PHACTR3: variants seen among roughly 807,000 people sequenced by gnomAD.
The protein encoded by PHACTR3 is phosphatase and actin regulator 3.
PHACTR3 carries 16 observed loss-of-function variants against 66.8 expected under a neutral mutation model. The ratio of observed to expected loss-of-function variants is 0.24; its 90% CI spans 0.16 to 0.36. The LOEUF (loss-of-function observed/expected upper bound fraction) is 0.36, where lower values mean the gene tolerates loss of function less well. Ranked by LOEUF, PHACTR3 falls within the 10% of genes least tolerant of loss-of-function variation. The probability of loss-of-function intolerance (pLI) is 1.00; values close to 1 mark genes in which losing one functional copy is unlikely to be tolerated. For missense variants in PHACTR3, 647 were observed against 719.9 expected, an observed-to-expected ratio of 0.90 and a Z score of 1.16; for synonymous variants, 323 against 292.1, an observed-to-expected ratio of 1.11 and a Z score of -1.08.
At chr20:59,813,992 C>T (rs781614283) in intron 8 of PHACTR3, among the ~76,000 whole-genome samples, 2 of 152,264 alleles carry the variant, frequency 1.3e-5, no homozygotes, top group African/African-American at 4.8e-5. Context: ...CTGTTCGCCT[C>T]TTCAGGGTGT....
chr20:59,595,331 G>A (rs1465905806), intron 1 of PHACTR3, among the ~76,000 whole-genome samples: 1 of 152,096 alleles, frequency 6.6e-6, no homozygotes, highest in African/African-American at 2.4e-5. Flanking sequence ...GCATGGTGGT[G>A]CACGCCTGTA....
At position 59,650,740 on chromosome 20, in the gene PHACTR3, C is replaced by CAA. The variant is rs34879994; in HGVS notation, c.118+45628_118+45629dup. Among the ~76,000 whole-genome samples the CAA allele has an allele frequency of 6.8e-3, 417 of 61,290 alleles. 4 individuals are homozygous for CAA. Among genetic ancestry groups the CAA allele is most frequent in the South Asian group, 0.011 (19 of 1,668 alleles). 40.2% of individuals were successfully genotyped at this position (61,290 alleles called of 152,430 possible). Reference sequence around the variant, plus strand: ...GGAATGTTTTCCAATGCGTTGATAGCAAAAAAAAAAAAAAAAAAAAAGTCT... The same window carrying CAA: ...GGAATGTTTTCCAATGCGTTGATAGCAAAAAAAAAAAAAAAAAAAAAAAGTCT... On this transcript the variant is annotated intron_variant, in intron 1 of 12. Transcript: ENST00000371015.
intron 1 of PHACTR3, among the ~76,000 whole-genome samples, chr20:59,714,920 A>T (rs1416999496): frequency 6.6e-6 from 1 of 152,158 alleles, no homozygotes; most frequent in African/African-American, 2.4e-5. Flanking sequence ...GGAGTATTTT[A>T]TGCTGCTTTA....
intron 3 of PHACTR3, 101 bp from the exon 4 acceptor site, chr20:59,755,081 C>T: frequency 8.0e-7 from 1 of 1,256,650 alleles, no homozygotes; most frequent in Non-Finnish European, 1.1e-6. Flanking sequence ...GGGGGACCAC[C>T]CAGAGCCTAG....
intron 1 of PHACTR3, among the ~76,000 whole-genome samples, chr20:59,638,131 C>T (rs529462079): frequency 1.3e-5 from 2 of 152,344 alleles, no homozygotes; most frequent in South Asian, 4.1e-4. Context: ...CTCCTTCCAC[C>T]AACCAGGTGG....
At chr20:59,817,610 T>A (rs1465760480) in intron 8 of PHACTR3, among the ~76,000 whole-genome samples, 2 of 152,254 alleles carry the variant, frequency 1.3e-5, no homozygotes, top group Non-Finnish European at 2.9e-5. Flanking sequence ...GCTCCATAAG[T>A]GACCTGGGCC....
intron 1 of PHACTR3, among the ~76,000 whole-genome samples, chr20:59,702,073 G>A (rs759488677): frequency 6.6e-6 from 1 of 152,142 alleles, no homozygotes; most frequent in African/African-American, 2.4e-5. Context: ...ATAGTCCATT[G>A]TCGGGATGTA....
At chr20:59,785,076 G>C (rs2040860199) in intron 7 of PHACTR3, among the ~76,000 whole-genome samples, 1 of 152,196 alleles carries the variant, frequency 6.6e-6, no homozygotes, top group Admixed American at 6.5e-5. Flanking sequence ...AGGCAGGAGG[G>C]GATGGGGTCT....
At chr20:59,799,620 A>G (rs764633473) in intron 7 of PHACTR3, among the ~76,000 whole-genome samples, 7 of 152,242 alleles carry the variant, frequency 4.6e-5, no homozygotes, top group Admixed American at 2.6e-4. Context: ...TTAGTGTCAG[A>G]ATGGTACATC....
Position 59,774,445 on chromosome 20 carries a change from C to G in PHACTR3, c.1129C>G (p.Leu377Val). 2 of 1,613,916 alleles carry G rather than the reference C, an allele frequency of 1.2e-6. No individual in the cohort carries two copies. Among genetic ancestry groups the G allele is most frequent in the Non-Finnish European group, 1.7e-6 (2 of 1,179,846 alleles). The change falls in exon 7 of 13, where the codon CTT (leucine) becomes GTT (valine). Residue 377 changes from leucine to valine, a missense_variant. Around this residue, in one of 2 missense-constraint regions of PHACTR3, gnomAD observed 577 missense variants for 571.1 expected, o/e 1.01. Transcript: ENST00000371015. ...AAATTCTGAACTCAAAGACGACTTG[C>G]TTTTGTATCAGGACGAGGAGGCGCT... ...IINSELKDDLLLYQDEEALND... is the reference protein window; with the variant it reads ...IINSELKDDLVLYQDEEALND...
intron 1 of PHACTR3, among the ~76,000 whole-genome samples, chr20:59,727,076 A>G (rs955897991): frequency 6.6e-6 from 1 of 152,046 alleles, no homozygotes; most frequent in Non-Finnish European, 1.5e-5. Context: ...ATTGTGTGAT[A>G]CTCCTCATTC....
At chr20:59,578,679 A>G (rs1437798531) in intron 1 of PHACTR3, among the ~76,000 whole-genome samples, 7 of 152,138 alleles carry the variant, frequency 4.6e-5, no homozygotes, top group Non-Finnish European at 1.0e-4. Context: ...CTTCCCCACG[A>G]GGCGGTCATG....
intron 3 of PHACTR3, among the ~76,000 whole-genome samples, chr20:59,752,097 A>G (rs2039614369): frequency 6.6e-6 from 1 of 152,216 alleles, no homozygotes; most frequent in South Asian, 2.1e-4. Flanking sequence ...CTTGAGATTG[A>G]CTAGGCATTC....
chr20:59,604,987 C>A lies in PHACTR3; in HGVS notation c.-28C>A. On this transcript the variant is annotated 5_prime_UTR_variant, in exon 1 of 13. Coordinates refer to ENST00000371015, the MANE Select transcript of PHACTR3 (RefSeq NM_080672.5). Reference sequence around the variant, plus strand: ...ATGCTCTGATTCCACGCGGCTCGCTCTAACTTGCCCCCGCGCCGGCCGGGC... The same window carrying A: ...ATGCTCTGATTCCACGCGGCTCGCTATAACTTGCCCCCGCGCCGGCCGGGC... 7.8e-7 allele frequency: 1 copy of A among 1,285,076 alleles called. No individual in the cohort carries two copies. The highest frequency in any genetic ancestry group is 2.5e-5 in the South Asian group (1 of 39,612). 79.6% of individuals were successfully genotyped at this position (1,285,076 alleles called of 1,614,324 possible).
Position 59,812,264 on chromosome 20 carries a change from G to C in PHACTR3, c.1328+6070G>C, listed in dbSNP as rs139965708. On this transcript the variant is annotated intron_variant, in intron 8 of 12. Transcript: ENST00000371015. ...TGGGGCGTTCTTTGCTCCCAGGAAC[G>C]TGTGTGAGAAGCTGATTAATGCTCA... Among the ~76,000 whole-genome samples, 316 of 152,350 alleles carry C rather than the reference G, an allele frequency of 2.1e-3. 1 individual carries two copies. Among genetic ancestry groups the C allele is most frequent in the African/African-American group, 6.8e-3 (283 of 41,572 alleles).
chr20:59,740,994 G>A (rs2039138290), intron 1 of PHACTR3, among the ~76,000 whole-genome samples: 2 of 152,238 alleles, frequency 1.3e-5, no homozygotes. Context: ...CCCCTTCCCT[G>A]GGTCTGAGGG....
At chr20:59,751,328 A>G (rs1568780021) in intron 3 of PHACTR3, among the ~76,000 whole-genome samples, 1 of 152,176 alleles carries the variant, frequency 6.6e-6, no homozygotes, top group Non-Finnish European at 1.5e-5. Context: ...ACGGGACTTC[A>G]TGCAGGACAG....
At chr20:59,714,771 C>T (rs1220861960) in intron 1 of PHACTR3, among the ~76,000 whole-genome samples, 1 of 152,182 alleles carries the variant, frequency 6.6e-6, no homozygotes, top group South Asian at 2.1e-4. Context: ...AATTTAGGAA[C>T]AAATAAAATC....
At position 59,830,425 on chromosome 20, in the gene PHACTR3, A is replaced by G. The variant is rs2042331494; in HGVS notation, c.1329-6080A>G. On this transcript the variant is annotated intron_variant, in intron 8 of 12. Coordinates refer to ENST00000371015, the MANE Select transcript of PHACTR3 (RefSeq NM_080672.5). This position sits in a 1 kb window ranked among gnomAD's most constrained non-coding sequence, Gnocchi z 5.8. Reference sequence around the variant, plus strand: ...TGAAGAGGGTGTGAGTGTCTGATGGAGGAATGTGTGGGCATCTGATGGAGG... The same window carrying G: ...TGAAGAGGGTGTGAGTGTCTGATGGGGGAATGTGTGGGCATCTGATGGAGG... 6.6e-6 allele frequency among the ~76,000 whole-genome samples: 1 copy of G among 152,036 alleles called. No homozygotes were observed. Among genetic ancestry groups the G allele is most frequent in the South Asian group, 2.1e-4 (1 of 4,826 alleles).
Sources: gnomAD v4.1 joint callset for allele counts (sites outside exome capture counted in the v4.1 genomes callset) on GRCh38, gnomAD v4.1.1 for gene constraint, gnomAD v4.1.1 regional missense constraint, Gnocchi (gnomAD v3.1) non-coding constraint, MANE v1.5 for transcripts, NCBI Gene and HGNC (gene_info 2026-07-23, HGNC 2026-07-21) for gene names.